AHR: variants seen among roughly 807,000 people sequenced by gnomAD.
The protein encoded by AHR is aryl hydrocarbon receptor, also known as AH-receptor.
In AHR, 40 loss-of-function variants were observed where a neutral mutation model predicts 86.8. The observed-to-expected ratio is 0.46, with a 90% CI of 0.36 to 0.60. The LOEUF is 0.60. Ranked by LOEUF, AHR falls within the 20% of genes least tolerant of loss-of-function variation. The probability of loss-of-function intolerance (pLI) is 0.00; values close to 1 mark genes in which losing one functional copy is unlikely to be tolerated. For missense variants in AHR, 1,001 were observed against 1,011.6 expected (o/e 0.99, Z 0.14); for synonymous variants, 398 against 354.9 (o/e 1.12, Z -1.37).
intron 9 of AHR, among the ~76,000 whole-genome samples, chr7:17,336,740 G>A (rs1193037362): frequency 6.6e-6 from 1 of 152,178 alleles, no homozygotes. Context: ...ATGTATATGA[G>A]TGCATGGGTA....
In AHR at chr7:17,345,644, A is replaced by G. The variant is rs1430363650; in HGVS notation, c.*2580A>G. 6.6e-6 allele frequency: 1 copy of G among 152,668 alleles called. No individual in the cohort carries two copies. The highest frequency in any genetic ancestry group is 2.4e-5 in the African/African-American group (1 of 41,466). 9.5% of individuals were successfully genotyped at this position (152,668 alleles called of 1,614,324 possible). A position where few individuals can be genotyped will look rare whatever the true frequency, so the allele number is the denominator to read the frequency against. ...TGTTTAGTGGAAAATAGGCTTTTTAATCATGAATATGATGACAATCAGTTA... is the reference window on the plus strand; with the variant it reads ...TGTTTAGTGGAAAATAGGCTTTTTAGTCATGAATATGATGACAATCAGTTA... On this transcript the variant is annotated 3_prime_UTR_variant, in exon 11 of 11. Transcript: ENST00000242057.
In AHR at chr7:17,345,763, T is replaced by A. The variant is rs1782476633; in HGVS notation, c.*2699T>A. The A allele has an allele frequency of 6.5e-6, 1 of 152,774 alleles. No individual in the cohort carries two copies. The allele number at this position is 152,774 out of a possible 1,614,324, so 9.5% of individuals were successfully genotyped here. ...GTATCTAAGAATAATAAAATCACGT[T>A]AAACCAAATACACGTTTGTCTGTAT... On this transcript the variant is annotated 3_prime_UTR_variant, in exon 11 of 11. Transcript: ENST00000242057.
chr7:17,302,814 T>A (rs930827213), intron 1 of AHR, among the ~76,000 whole-genome samples: 11 of 151,320 alleles, frequency 7.3e-5, no homozygotes, highest in Middle Eastern at 6.8e-3. Flanking sequence ...AAAAAAAATA[T>A]ATATATATAT....
At chr7:17,300,620 A>C (rs1781945852) in intron 1 of AHR, among the ~76,000 whole-genome samples, 2 of 152,196 alleles carry the variant, frequency 1.3e-5, no homozygotes, top group Non-Finnish European at 2.9e-5. Flanking sequence ...AGTGTGTCTT[A>C]AGGGAATATT....
chr7:17,325,647 A>G (rs1309405289), intron 3 of AHR, among the ~76,000 whole-genome samples: 1 of 152,224 alleles, frequency 6.6e-6, no homozygotes, highest in Non-Finnish European at 1.5e-5. Context: ...TTAAAGGGAC[A>G]TGGATGGAGC....
intron 2 of AHR, among the ~76,000 whole-genome samples, chr7:17,315,763 A>T (rs1782108897): frequency 6.6e-6 from 1 of 151,580 alleles, no homozygotes; most frequent in African/African-American, 2.4e-5. Flanking sequence ...ATATAATATT[A>T]ATTATATTAA....
At chr7:17,328,421 G>A (rs1208666994) in intron 4 of AHR, among the ~76,000 whole-genome samples, 1 of 151,978 alleles carries the variant, frequency 6.6e-6, no homozygotes, top group Non-Finnish European at 1.5e-5. Flanking sequence ...TGAATGAACA[G>A]TGAATAGATG....
In AHR at chr7:17,298,876, G is replaced by A; in HGVS notation, c.-389G>A. The A allele has an allele frequency of 2.5e-6, 1 of 398,538 alleles. No individual in the cohort carries two copies. Among genetic ancestry groups the A allele is most frequent in the Non-Finnish European group, 4.4e-6 (1 of 226,040 alleles). The allele number at this position is 398,538 out of a possible 1,614,324, so 24.7% of individuals were successfully genotyped here. A position where few individuals can be genotyped will look rare whatever the true frequency, so the allele number is the denominator to read the frequency against. On this transcript the variant is annotated 5_prime_UTR_variant, in exon 1 of 11. Coordinates refer to ENST00000242057, the MANE Select transcript of AHR (RefSeq NM_001621.5). ...GCCGCGGCGACGGTCACGGGGCGCGGCGCCACCGTGAGCGACCCAGGCCAG... is the reference window on the plus strand; with the variant it reads ...GCCGCGGCGACGGTCACGGGGCGCGACGCCACCGTGAGCGACCCAGGCCAG...
intron 3 of AHR, among the ~76,000 whole-genome samples, chr7:17,325,005 A>G (rs1782213692): frequency 6.6e-6 from 1 of 152,184 alleles, no homozygotes; most frequent in Non-Finnish European, 1.5e-5. Context: ...TTTCAGTGAC[A>G]GGAGTTGAAA....
chr7:17,310,074 A>C lies in AHR; in HGVS notation c.204A>C (p.Ser68=), dbSNP rs767719360. The change falls in exon 2 of 11, where the codon TCA becomes TCC. Residue 68 remains serine, a synonymous_variant. Transcript: ENST00000242057. ...TTATTAATAAGTTGGACAAACTTTCAGTTCTTAGGCTCAGCGTCAGTTACC... is the reference window on the plus strand; with the variant it reads ...TTATTAATAAGTTGGACAAACTTTCCGTTCTTAGGCTCAGCGTCAGTTACC... The part of the protein sequence containing the change: ...QDVINKLDKL[S]VLRLSVSYLR... 6.2e-6 allele frequency: 10 copies of C among 1,613,936 alleles called. No individual in the cohort carries two copies. The highest frequency in any genetic ancestry group is 5.3e-5 in the African/African-American group (4 of 74,908).
chr7:17,330,617 C>T, intron 5 of AHR, 139 bp from the exon 6 acceptor site: 1 of 669,834 alleles, frequency 1.5e-6, no homozygotes, highest in Non-Finnish European at 2.2e-6. Context: ...AGTTTCTTGT[C>T]ATTAGCTCTT....
In AHR at chr7:17,298,938, G is replaced by C. The variant is rs892267585; in HGVS notation, c.-327G>C. 5 of 431,228 alleles carry C rather than the reference G, an allele frequency of 1.2e-5. No homozygotes were observed. The highest frequency in any genetic ancestry group is 2.1e-5 in the African/African-American group (1 of 48,646). 26.7% of individuals were successfully genotyped at this position (431,228 alleles called of 1,614,324 possible). A position where few individuals can be genotyped will look rare whatever the true frequency, so the allele number is the denominator to read the frequency against. On this transcript the variant is annotated 5_prime_UTR_variant, in exon 1 of 11. Coordinates refer to ENST00000242057, the MANE Select transcript of AHR (RefSeq NM_001621.5). ...GACGGCCCAGGCTCCTCCTCCGCCC[G>C]GGCCGCCTCACCTGCGGGCATTGCC...
Position 17,340,204 on chromosome 7 carries a change from A to C in AHR, c.2379A>C (p.Pro793=). The C allele has an allele frequency of 6.2e-7, 1 of 1,608,636 alleles. No homozygotes were observed. The highest frequency in any genetic ancestry group is 8.5e-7 in the Non-Finnish European group (1 of 1,176,802). ...VGQMQYNPVL[P]GQQAFLNKFQ... ...AGATGCAGTACAATCCAGTACTGCC[A>C]GGCCAACAGGCATTTTTAAACAAGG... Residue 793 remains proline (P), a synonymous_variant, in exon 10 of 11, where the codon CCA becomes CCC. Transcript: ENST00000242057.
At position 17,344,005 on chromosome 7, in the gene AHR, T is replaced by C. The variant is rs184812886; in HGVS notation, c.*941T>C. On this transcript the variant is annotated 3_prime_UTR_variant, in exon 11 of 11. Coordinates refer to ENST00000242057, the MANE Select transcript of AHR (RefSeq NM_001621.5). ...ATATACCACTCTTTACCTTTATTGA[T>C]ATCTCCATGATGATAGTTGAATGTT... is the stretch of plus-strand genomic sequence containing the variant. The C allele has an allele frequency of 4.6e-5, 7 of 152,766 alleles. No individual in the cohort carries two copies. Among genetic ancestry groups the C allele is most frequent in the Admixed American group, 6.5e-5 (1 of 15,296 alleles). The allele number at this position is 152,766 out of a possible 1,614,324, so 9.5% of individuals were successfully genotyped here.
chr7:17,326,858 G>C (rs1782235582), intron 3 of AHR, among the ~76,000 whole-genome samples: 1 of 152,080 alleles, frequency 6.6e-6, no homozygotes, highest in Non-Finnish European at 1.5e-5. Flanking sequence ...TGATCACATA[G>C]TAAAGAATAG....
chr7:17,300,509 T>G (rs1024078847), intron 1 of AHR, among the ~76,000 whole-genome samples: 7 of 152,334 alleles, frequency 4.6e-5, no homozygotes, highest in African/African-American at 1.7e-4. Flanking sequence ...CTTTCAGAAT[T>G]TCAGTTATCA....
At chr7:17,299,488 A>G (rs771138493) in intron 1 of AHR, 159 bp downstream of exon 1, 160 of 783,572 alleles carry the variant, frequency 2.0e-4, no homozygotes, top group Non-Finnish European at 2.7e-4. Flanking sequence ...GCTGGGAGAC[A>G]GAGGACTTGG....
Position 17,330,173 on chromosome 7 carries a change from G to T in AHR, c.574+98G>T, listed in dbSNP as rs186188905. ...TGTAGGGTCATAGAACTCCATGATA[G>T]GGAAGTAGTGGAAAGATGTAAAGTC... On this transcript the variant is annotated intron_variant, in intron 5 of 10. Transcript: ENST00000242057. 2,883 of 1,159,530 alleles carry T rather than the reference G, an allele frequency of 2.5e-3. 43 individuals are homozygous for T. The highest frequency in any genetic ancestry group is 1.1e-3 in the Non-Finnish European group (906 of 824,844). The allele number at this position is 1,159,530 out of a possible 1,614,324, so 71.8% of individuals were successfully genotyped here.
intron 2 of AHR, among the ~76,000 whole-genome samples, chr7:17,316,394 G>C (rs1349954575): frequency 2.0e-5 from 3 of 152,284 alleles, no homozygotes. Context: ...CAAAGCAGGA[G>C]GACTGCTTGA....
Sources: allele counts gnomAD v4.1 joint callset (sites outside exome capture counted in the v4.1 genomes callset), GRCh38; gene constraint gnomAD v4.1.1; transcripts MANE v1.5; gene names NCBI Gene and HGNC (gene_info 2026-07-23, HGNC 2026-07-21).